Variants in RARB observed in about 807,000 individuals in gnomAD.
RARB encodes retinoic acid receptor beta.
In RARB, 17 loss-of-function variants were observed where a neutral mutation model predicts 51.9. The observed-to-expected ratio is 0.33, with a 90% confidence interval of 0.22 to 0.49. The LOEUF (loss-of-function observed/expected upper bound fraction) is 0.49. RARB is among the 20% of genes least tolerant of loss of function. The pLI, the probability that RARB is intolerant of heterozygous loss-of-function variation, is 0.99. For synonymous variants in RARB, 215 were observed against 195.4 expected (o/e 1.10, Z -0.84); for missense variants, 369 against 550.8 (o/e 0.67, Z 3.30).
intron 1 of RARB, among the ~76,000 whole-genome samples, chr3:24,833,911 A>G (rs564711543): frequency 3.3e-5 from 5 of 152,292 alleles, no homozygotes; most frequent in African/African-American, 9.6e-5. Context: ...GTTCACCTCT[A>G]TCATAACCCC....
At chr3:24,953,535 C>T (rs1285771946) in intron 2 of RARB, among the ~76,000 whole-genome samples, 1 of 152,098 alleles carries the variant, frequency 6.6e-6, no homozygotes, top group East Asian at 1.9e-4. Context: ...CCCATGAACT[C>T]AAAGCTTGGC....
intron 5 of RARB, among the ~76,000 whole-genome samples, chr3:25,239,738 G>A (rs1369960708): frequency 6.6e-6 from 1 of 152,056 alleles, no homozygotes; most frequent in Non-Finnish European, 1.5e-5. Flanking sequence ...ATAGTGTGAT[G>A]CCTCCCGCTT....
intron 4 of RARB, among the ~76,000 whole-genome samples, chr3:25,135,322 C>T (rs1054322327): frequency 6.6e-6 from 1 of 151,854 alleles, no homozygotes; most frequent in African/African-American, 2.4e-5. Flanking sequence ...TGGCTAGTGA[C>T]TACCATATCG....
chr3:25,116,538 G>A (rs1454079317), intron 3 of RARB, among the ~76,000 whole-genome samples: 1 of 152,052 alleles, frequency 6.6e-6, no homozygotes, highest in Non-Finnish European at 1.5e-5. Flanking sequence ...GGTCTATGAT[G>A]CTGTCTTTTT....
intron 5 of RARB, among the ~76,000 whole-genome samples, chr3:25,317,038 G>A (rs1704444634): frequency 1.2e-5 from 1 of 83,354 alleles, no homozygotes; most frequent in Non-Finnish European, 2.7e-5. Flanking sequence ...TGTTGACTGA[G>A]GGAAATCTTA....
At chr3:24,928,171 T>A (rs951244994) in intron 2 of RARB, among the ~76,000 whole-genome samples, 14 of 151,974 alleles carry the variant, frequency 9.2e-5, no homozygotes, top group African/African-American at 3.4e-4. Flanking sequence ...TCAGCAGGTA[T>A]AAAGTCAATG....
intron 3 of RARB, among the ~76,000 whole-genome samples, chr3:25,070,545 G>C (rs2125308185): frequency 6.6e-6 from 1 of 152,096 alleles, no homozygotes; most frequent in African/African-American, 2.4e-5. Flanking sequence ...CCCACCCATT[G>C]TTTACAGAAA....
chr3:25,453,243 C>CT lies in RARB; in HGVS notation c.158-7927dup, dbSNP rs758275411. On this transcript the variant is annotated intron_variant, in intron 1 of 7. Coordinates refer to ENST00000330688, the MANE Select transcript of RARB (RefSeq NM_000965.5). ...TTTCTGGGGTGGGGCCAAGATTCTG[C>CT]TTTTTTTTTTTTTTTTTTTTTTTGA... Among the ~76,000 whole-genome samples, 796 of 81,922 alleles carry CT rather than the reference C, an allele frequency of 9.7e-3. 14 individuals carry two copies. The highest frequency in any genetic ancestry group is 0.026 in the African/African-American group (473 of 18,036). 53.7% of individuals were successfully genotyped at this position (81,922 alleles called of 152,430 possible).
At chr3:25,042,634 G>A (rs1036818309) in intron 2 of RARB, among the ~76,000 whole-genome samples, 1 of 152,194 alleles carries the variant, frequency 6.6e-6, no homozygotes, top group African/African-American at 2.4e-5. Context: ...GTGAGCTCTG[G>A]TTTGTGCCAC....
At chr3:25,322,308 A>C (rs1238879420) in intron 5 of RARB, among the ~76,000 whole-genome samples, 5 of 152,220 alleles carry the variant, frequency 3.3e-5, no homozygotes, top group Non-Finnish European at 5.9e-5. Flanking sequence ...GATGAAGAAA[A>C]AGAAAGTTGA....
At chr3:24,919,135 T>G (rs761220482) in intron 2 of RARB, among the ~76,000 whole-genome samples, 1 of 152,208 alleles carries the variant, frequency 6.6e-6, no homozygotes, top group Non-Finnish European at 1.5e-5. Flanking sequence ...ATCACAGCAT[T>G]TAACACATTG....
intron 2 of RARB, among the ~76,000 whole-genome samples, chr3:25,007,600 A>AAAAAAAAAAAAAAAAAAAC (rs1342393781): frequency 5.6e-5 from 8 of 143,258 alleles, no homozygotes; most frequent in African/African-American, 2.2e-4. Flanking sequence ...CTCAAAAAAA[A>AAAAAAAAAAAAAAAAAAAC]AAAACAAAAA....
intron 2 of RARB, among the ~76,000 whole-genome samples, chr3:24,985,567 T>C (rs1395569702): frequency 1.3e-5 from 2 of 152,118 alleles, no homozygotes; most frequent in African/African-American, 4.8e-5. Context: ...ATTCAAGAAA[T>C]ACAAAACACA....
chr3:25,566,381 G>A (rs1421831640), intron 3 of RARB, among the ~76,000 whole-genome samples: 4 of 152,296 alleles, frequency 2.6e-5, no homozygotes, highest in South Asian at 2.1e-4. Context: ...GGGACTTCAC[G>A]TAGGGGACAA....
intron 5 of RARB, among the ~76,000 whole-genome samples, chr3:25,199,472 C>A (rs1701336202): frequency 6.6e-6 from 1 of 152,006 alleles, no homozygotes; most frequent in Non-Finnish European, 1.5e-5. Flanking sequence ...TATTATTATA[C>A]TTTAAGTTTT....
chr3:25,447,933 C>CA (rs1378097266), intron 1 of RARB, among the ~76,000 whole-genome samples: 2 of 152,012 alleles, frequency 1.3e-5, no homozygotes, highest in Non-Finnish European at 2.9e-5. Context: ...GATTCATCAG[C>CA]ATAAGCATGA....
chr3:25,421,062 G>C (rs905398262), intron 5 of RARB, among the ~76,000 whole-genome samples: 1 of 151,224 alleles, frequency 6.6e-6, no homozygotes, highest in African/African-American at 2.4e-5. Flanking sequence ...AGGGGCAGCA[G>C]GGTGGGGCTT....
At chr3:24,976,539 C>T (rs374428187) in intron 2 of RARB, among the ~76,000 whole-genome samples, 36 of 152,262 alleles carry the variant, frequency 2.4e-4, no homozygotes, top group Middle Eastern at 3.4e-3. Context: ...AGCATTTTTT[C>T]ATGTGTCTGT....
At chr3:25,100,940 T>A (rs565684443) in intron 3 of RARB, among the ~76,000 whole-genome samples, 5 of 152,178 alleles carry the variant, frequency 3.3e-5, no homozygotes, top group African/African-American at 4.8e-5. Context: ...AGCCCTACAC[T>A]CGGAGCTGAG....
Sources: allele counts gnomAD v4.1 joint callset (sites outside exome capture counted in the v4.1 genomes callset), GRCh38; gene constraint gnomAD v4.1.1; transcripts MANE v1.5; gene names NCBI Gene and HGNC (gene_info 2026-07-23, HGNC 2026-07-21).